FGF12: variants seen among roughly 807,000 people sequenced by gnomAD.
The protein encoded by FGF12 is fibroblast growth factor 12B.
In FGF12, 14 loss-of-function variants were observed where a neutral mutation model predicts 23.6. The observed-to-expected ratio is 0.59, with a 90% CI of 0.39 to 0.93. The LOEUF is 0.93. FGF12 is among the 40% of genes least tolerant of loss of function. The pLI is 0.00. For missense variants in FGF12, 175 were observed against 217.8 expected, an observed-to-expected ratio of 0.80 and a Z score of 1.24; for synonymous variants, 62 against 77.3, an observed-to-expected ratio of 0.80 and a Z score of 1.04.
intron 2 of FGF12, among the ~76,000 whole-genome samples, chr3:192,392,820 T>C (rs533545363): frequency 1.3e-5 from 2 of 152,316 alleles, no homozygotes; most frequent in East Asian, 3.9e-4. Flanking sequence ...TGTCAAATAA[T>C]TGAAGATGTA....
chr3:192,400,360 C>T (rs1384302625), intron 2 of FGF12, among the ~76,000 whole-genome samples: 2 of 146,320 alleles, frequency 1.4e-5, no homozygotes, highest in East Asian at 4.1e-4. Flanking sequence ...TCCACCTTCA[C>T]ATTCTTTTCT....
At chr3:192,379,470 C>T (rs912260538) in intron 2 of FGF12, among the ~76,000 whole-genome samples, 13 of 144,012 alleles carry the variant, frequency 9.0e-5, no homozygotes, top group African/African-American at 3.3e-4. Context: ...TCCTTTTGTA[C>T]TCTGTTATCT....
intron 2 of FGF12, among the ~76,000 whole-genome samples, chr3:192,618,547 C>G (rs1405670808): frequency 6.6e-6 from 1 of 152,064 alleles, no homozygotes; most frequent in Non-Finnish European, 1.5e-5. Flanking sequence ...GGCAGCATAT[C>G]AATAATAAAT....
At chr3:192,536,425 C>T (rs943480998) in intron 2 of FGF12, among the ~76,000 whole-genome samples, 1 of 152,070 alleles carries the variant, frequency 6.6e-6, no homozygotes, top group African/African-American at 2.4e-5. Context: ...AAATATCATG[C>T]CCTCCAAAGT....
chr3:192,232,987 T>C (rs1012247043), intron 4 of FGF12, among the ~76,000 whole-genome samples: 2 of 152,208 alleles, frequency 1.3e-5, no homozygotes, highest in Admixed American at 1.3e-4. Context: ...ATGTCTTTGC[T>C]ATTGTGAATA....
chr3:192,723,864 A>T (rs563552417), intron 2 of FGF12, among the ~76,000 whole-genome samples: 132 of 128,314 alleles, frequency 1.0e-3, no homozygotes, highest in Middle Eastern at 3.7e-3. Context: ...TGTGTGTGTG[A>T]GAGAGAGAGA....
chr3:192,272,144 G>T lies in FGF12; in HGVS notation c.228+63217C>A, dbSNP rs1713485350. 1.3e-5 allele frequency among the ~76,000 whole-genome samples: 2 copies of T among 152,056 alleles called. 1 individual carries two copies. The highest frequency in any genetic ancestry group is 4.1e-4 in the South Asian group (2 of 4,828). On this transcript the variant is annotated intron_variant, in intron 4 of 5. Coordinates refer to ENST00000445105, the MANE Select transcript of FGF12 (RefSeq NM_004113.6). ...AAAAAATTAATGGCCCGAGTTCCTT[G>T]GAGTCATCTGAAAATTAAACAATCA...
intron 4 of FGF12, among the ~76,000 whole-genome samples, chr3:192,324,579 A>C (rs1716720449): frequency 6.6e-6 from 1 of 152,254 alleles, no homozygotes; most frequent in Admixed American, 6.5e-5. Flanking sequence ...TTTACACATA[A>C]GAAAACAATC....
At chr3:192,460,962 T>C (rs938048684) in intron 2 of FGF12, among the ~76,000 whole-genome samples, 7 of 152,128 alleles carry the variant, frequency 4.6e-5, no homozygotes, top group Non-Finnish European at 1.0e-4. Flanking sequence ...CCAGAGTACA[T>C]ATATTCATTA....
rs192905751 is a variant in FGF12 at position 192,312,869 on chromosome 3, T to G, written c.228+22492A>C. Among the ~76,000 whole-genome samples, 3 of 152,314 alleles carry G rather than the reference T, an allele frequency of 2.0e-5. No homozygotes were observed. In the East Asian group the frequency reaches 5.8e-4, roughly 29 times the overall value. On this transcript the variant is annotated intron_variant, in intron 4 of 5. Transcript: ENST00000445105. ...ATAGTATTAACGTATAGTGTTTGCC[T>G]TTGTCTTCTACCATGATTAAAGCAT...
At chr3:192,719,875 T>G (rs2108746100) in intron 2 of FGF12, among the ~76,000 whole-genome samples, 1 of 152,046 alleles carries the variant, frequency 6.6e-6, no homozygotes, top group Middle Eastern at 3.4e-3. Context: ...TTCCCAAGTA[T>G]CTGAAAAGAA....
At chr3:192,550,346 T>G (rs531581756) in intron 2 of FGF12, among the ~76,000 whole-genome samples, 1 of 150,072 alleles carries the variant, frequency 6.7e-6, no homozygotes, top group African/African-American at 2.4e-5. Flanking sequence ...TATATGTGCA[T>G]ACATATATAA....
At chr3:192,711,331 G>A (rs1388999155) in intron 2 of FGF12, among the ~76,000 whole-genome samples, 2 of 151,588 alleles carry the variant, frequency 1.3e-5, no homozygotes, top group African/African-American at 4.9e-5. Flanking sequence ...CGGGAGGTGG[G>A]GGGCATCTCC....
chr3:192,287,646 G>A (rs1714529414), intron 4 of FGF12, among the ~76,000 whole-genome samples: 3 of 151,976 alleles, frequency 2.0e-5, no homozygotes, highest in South Asian at 2.1e-4. Context: ...AAAACCTTCA[G>A]TGACTCTGAG....
chr3:192,516,225 T>C (rs1724663358), intron 2 of FGF12, among the ~76,000 whole-genome samples: 1 of 152,238 alleles, frequency 6.6e-6, no homozygotes, highest in Non-Finnish European at 1.5e-5. Context: ...TTGTGAATCA[T>C]TTTCACTTTC....
In FGF12 at chr3:192,448,799, A is replaced by G. The variant is rs1054450135; in HGVS notation, c.14-88261T>C. Among the ~76,000 whole-genome samples, 7 of 152,228 alleles carry G rather than the reference A, an allele frequency of 4.6e-5. No individual in the cohort carries two copies. In the South Asian group the frequency reaches 1.4e-3, roughly 32 times the overall value. On this transcript the variant is annotated intron_variant, in intron 2 of 5. Coordinates refer to ENST00000445105, the MANE Select transcript of FGF12 (RefSeq NM_004113.6). ...ATAAATATTATTTTTTATACTGATGAATGGCCACCAATATGCCATACAGTT... is the reference window on the plus strand; with the variant it reads ...ATAAATATTATTTTTTATACTGATGGATGGCCACCAATATGCCATACAGTT...
intron 2 of FGF12, among the ~76,000 whole-genome samples, chr3:192,406,612 C>T (rs1306613077): frequency 1.3e-5 from 2 of 152,144 alleles, no homozygotes; most frequent in Non-Finnish European, 2.9e-5. Flanking sequence ...ATAATAGAGA[C>T]TAATAGCTCC....
chr3:192,685,133 C>G (rs1255263275), intron 2 of FGF12, among the ~76,000 whole-genome samples: 1 of 152,110 alleles, frequency 6.6e-6, no homozygotes, highest in African/African-American at 2.4e-5. Flanking sequence ...CTCACTGCAA[C>G]CTCTGCCTCC....
intron 2 of FGF12, among the ~76,000 whole-genome samples, chr3:192,517,683 T>G (rs1348400838): frequency 1.3e-5 from 2 of 152,238 alleles, no homozygotes; most frequent in Non-Finnish European, 2.9e-5. Flanking sequence ...TTGATAATAG[T>G]AAGCTCGTAC....
Sources: allele counts gnomAD v4.1 joint callset (sites outside exome capture counted in the v4.1 genomes callset), GRCh38; gene constraint gnomAD v4.1.1; transcripts MANE v1.5; gene names NCBI Gene and HGNC (gene_info 2026-07-23, HGNC 2026-07-21).